ERBB4: variants seen among roughly 807,000 people sequenced by gnomAD.
ERBB4 encodes the protein erb-b2 receptor tyrosine kinase 4.
Under a neutral mutation model 158.0 loss-of-function variants are expected in ERBB4, and 42 were observed. The ratio of observed to expected loss-of-function variants is 0.27; its 90% CI spans 0.21 to 0.34. ERBB4 has a LOEUF of 0.34. Ranked by LOEUF, ERBB4 falls within the 10% of genes least tolerant of loss-of-function variation. The pLI is 1.00. For missense variants in ERBB4, 1,333 were observed against 1,624.1 expected (o/e 0.82, Z 3.08); for synonymous variants, 583 against 558.7 (o/e 1.04, Z -0.61).
At chr2:212,076,131 T>G (rs762004014) in intron 2 of ERBB4, among the ~76,000 whole-genome samples, 2 of 151,894 alleles carry the variant, frequency 1.3e-5, no homozygotes, top group Admixed American at 6.6e-5. Flanking sequence ...GAATCTATTA[T>G]GTAATTTAAT....
intron 1 of ERBB4, among the ~76,000 whole-genome samples, chr2:212,232,828 T>A (rs997392801): frequency 1.5e-4 from 23 of 152,334 alleles, no homozygotes; most frequent in East Asian, 5.8e-4. Context: ...ATTGTCCCCA[T>A]CCTTAGAAGA....
At chr2:211,424,118 G>A (rs767151939) in intron 23 of ERBB4, 37 bp downstream of exon 23, 2 of 1,590,094 alleles carry the variant, frequency 1.3e-6, no homozygotes. Context: ...ACTTTACTAA[G>A]AATGATGATG....
At chr2:211,967,237 G>C (rs1377072252) in intron 2 of ERBB4, among the ~76,000 whole-genome samples, 2 of 151,942 alleles carry the variant, frequency 1.3e-5, no homozygotes, top group Non-Finnish European at 2.9e-5. Flanking sequence ...CTAAGTGCCA[G>C]GTTTGGGCTA....
intron 1 of ERBB4, among the ~76,000 whole-genome samples, chr2:212,172,594 T>A (rs1228037985): frequency 6.6e-6 from 1 of 152,116 alleles, no homozygotes; most frequent in Non-Finnish European, 1.5e-5. Context: ...TGGAATACTA[T>A]GCAGCCATAA....
chr2:212,445,064 C>T lies in ERBB4; in HGVS notation c.82+93385G>A, dbSNP rs371767570. Among the ~76,000 whole-genome samples, 96 of 152,114 alleles carry T rather than the reference C, an allele frequency of 6.3e-4. No individual in the cohort carries two copies. In the Middle Eastern group the frequency reaches 0.017, roughly 27 times the overall value. On this transcript the variant is annotated intron_variant, in intron 1 of 27. Transcript: ENST00000342788. Reference sequence around the variant, plus strand: ...TCACTTTATAGCTAAAGAACTGTGGCAGTGGGCTCATGCTCATGGAATTCA... The same window carrying T: ...TCACTTTATAGCTAAAGAACTGTGGTAGTGGGCTCATGCTCATGGAATTCA...
chr2:212,458,021 T>C (rs886746327), intron 1 of ERBB4, among the ~76,000 whole-genome samples: 2 of 152,094 alleles, frequency 1.3e-5, no homozygotes, highest in African/African-American at 4.8e-5. Context: ...CTATTGTATG[T>C]TCTAATTTAA....
At chr2:211,965,790 C>G (rs1290116655) in intron 2 of ERBB4, among the ~76,000 whole-genome samples, 1 of 152,108 alleles carries the variant, frequency 6.6e-6, no homozygotes, top group Non-Finnish European at 1.5e-5. Flanking sequence ...TTTCTATAAA[C>G]TTAAAGTTAT....
chr2:212,317,343 T>A (rs1159768943), intron 1 of ERBB4, among the ~76,000 whole-genome samples: 1 of 151,544 alleles, frequency 6.6e-6, no homozygotes, highest in Non-Finnish European at 1.5e-5. Context: ...TAAAGAATCA[T>A]ATTATATCCT....
intron 20 of ERBB4, among the ~76,000 whole-genome samples, chr2:211,491,398 T>A (rs987021764): frequency 6.6e-6 from 1 of 152,070 alleles, no homozygotes; most frequent in African/African-American, 2.4e-5. Context: ...ACATGACAAT[T>A]CCTGGGCATT....
At chr2:211,588,196 GGAA>G (rs1182756904) in intron 19 of ERBB4, among the ~76,000 whole-genome samples, 2 of 152,036 alleles carry the variant, frequency 1.3e-5, no homozygotes, top group African/African-American at 4.8e-5. Flanking sequence ...TTTAAAAATT[GGAA>G]GAATATACAA....
At position 212,042,261 on chromosome 2, in the gene ERBB4, A is replaced by G. The variant is rs201728382; in HGVS notation, c.234+82491T>C. ...TTGCAAATCCATGTAACACAATAAGACCTTGCAGGCGCTTTCCTTTCTACA... is the reference window on the plus strand; with the variant it reads ...TTGCAAATCCATGTAACACAATAAGGCCTTGCAGGCGCTTTCCTTTCTACA... On this transcript the variant is annotated intron_variant, in intron 2 of 27. Coordinates refer to ENST00000342788, the MANE Select transcript of ERBB4 (RefSeq NM_005235.3). Among the ~76,000 whole-genome samples the G allele has an allele frequency of 3.9e-3, 598 of 152,158 alleles. 2 individuals are homozygous for G. The highest frequency in any genetic ancestry group is 0.017 in the Middle Eastern group (5 of 292).
intron 19 of ERBB4, among the ~76,000 whole-genome samples, chr2:211,579,133 G>A (rs373029051): frequency 1.3e-5 from 2 of 152,186 alleles, no homozygotes; most frequent in East Asian, 3.9e-4. Flanking sequence ...ACTAAAAAGT[G>A]GGCAAAGGAC....
chr2:212,347,535 A>T (rs2089065266), intron 1 of ERBB4, among the ~76,000 whole-genome samples: 1 of 152,140 alleles, frequency 6.6e-6, no homozygotes, highest in South Asian at 2.1e-4. Context: ...TTCCTTTCAG[A>T]TCTGAAGAAC....
chr2:211,718,838 A>G (rs7419310), intron 7 of ERBB4, among the ~76,000 whole-genome samples: 116,804 of 151,488 alleles, frequency 0.77, 45,308 homozygotes, highest in African/African-American at 0.83. Flanking sequence ...TGAAACAACA[A>G]CAACAACAAA....
chr2:211,562,133 T>C, intron 19 of ERBB4, 45 bp from the exon 20 acceptor site: 1 of 1,549,230 alleles, frequency 6.5e-7, no homozygotes, highest in South Asian at 1.1e-5. Flanking sequence ...TCAAATTTTC[T>C]TAGATTTAGA....
At chr2:211,939,995 A>AGATC in intron 3 of ERBB4, among the ~76,000 whole-genome samples, 1 of 151,758 alleles carries the variant, frequency 6.6e-6, no homozygotes, top group South Asian at 2.1e-4. Flanking sequence ...ATAGATAGAT[A>AGATC]GATAGATAGA....
At chr2:212,500,851 TAGAAAATGTCCAGTAGTTC>T (rs1040161392) in intron 1 of ERBB4, among the ~76,000 whole-genome samples, 1 of 152,172 alleles carries the variant, frequency 6.6e-6, no homozygotes, top group African/African-American at 2.4e-5. Flanking sequence ...CTGCTAATCT[TAGAAAATGTCCAGTAGTTC>T]AGAAAATTCT....
chr2:212,300,366 A>C (rs2086573841), intron 1 of ERBB4, among the ~76,000 whole-genome samples: 2 of 151,626 alleles, frequency 1.3e-5, no homozygotes, highest in South Asian at 4.1e-4. Flanking sequence ...CAATCTAAGC[A>C]GTCAAATATA....
At position 211,379,408 on chromosome 2, in the gene ERBB4, G is replaced by A; in HGVS notation, c.*4207C>T. 1 of 229,266 alleles carries A rather than the reference G, an allele frequency of 4.4e-6. No homozygotes were observed. The allele number at this position is 229,266 out of a possible 1,614,324, so 14.2% of individuals were successfully genotyped here. A position where few individuals can be genotyped will look rare whatever the true frequency, so the allele number is the denominator to read the frequency against. On this transcript the variant is annotated 3_prime_UTR_variant, in exon 28 of 28. Coordinates refer to ENST00000342788, the MANE Select transcript of ERBB4 (RefSeq NM_005235.3). ...TTTAAAAAGTGATAAAGGAATAAGA[G>A]AATGAGAAAAAATTGTTCATTGTAA...
Sources: allele counts gnomAD v4.1 joint callset (sites outside exome capture counted in the v4.1 genomes callset), GRCh38; gene constraint gnomAD v4.1.1; transcripts MANE v1.5; gene names NCBI Gene and HGNC (gene_info 2026-07-23, HGNC 2026-07-21).